Variants in TPD52L1 observed in about 807,000 individuals in gnomAD.
The protein encoded by TPD52L1 is TPD52 like 1.
Under a neutral mutation model 28.7 loss-of-function variants are expected in TPD52L1, and 18 were observed. That is an observed-to-expected ratio of 0.63 (90% CI 0.43 to 0.93). The LOEUF (loss-of-function observed/expected upper bound fraction) is 0.93. Among genes scored for constraint, TPD52L1 ranks in the 40% least tolerant of loss-of-function variants. TPD52L1 has a pLI of 0.00. For synonymous variants in TPD52L1, 75 were observed against 88.8 expected (o/e 0.84, Z 0.88); for missense variants, 203 against 254.8 (o/e 0.80, Z 1.39).
At chr6:125,260,269 A>G (rs185789797) in intron 6 of TPD52L1, 7 of 152,308 alleles carry the variant, frequency 4.6e-5, no homozygotes, top group Non-Finnish European at 7.4e-5. Context: ...AAATCACACA[A>G]TGGAAACCAT....
chr6:125,236,991 A>G (rs1796299243), intron 3 of TPD52L1, among the ~76,000 whole-genome samples: 1 of 152,178 alleles, frequency 6.6e-6, no homozygotes, highest in Non-Finnish European at 1.5e-5. Flanking sequence ...TTTTCGTGCC[A>G]TATTTGATAG....
chr6:125,169,597 C>T (rs901613593), intron 1 of TPD52L1, among the ~76,000 whole-genome samples: 1 of 152,198 alleles, frequency 6.6e-6, no homozygotes, highest in South Asian at 2.1e-4. Context: ...TCCAGTCTGT[C>T]ATGCCAGCTC....
chr6:125,183,839 T>C (rs959487208), intron 1 of TPD52L1, among the ~76,000 whole-genome samples: 7 of 152,206 alleles, frequency 4.6e-5, no homozygotes, highest in African/African-American at 7.2e-5. Flanking sequence ...AAATGGATTA[T>C]GATAGTGATT....
intron 1 of TPD52L1, among the ~76,000 whole-genome samples, chr6:125,198,394 C>T (rs553091914): frequency 3.0e-4 from 46 of 152,230 alleles, no homozygotes; most frequent in Non-Finnish European, 6.5e-4. Context: ...TCCATCTTTA[C>T]TCATTTGGGT....
At position 125,229,242 on chromosome 6, in the gene TPD52L1, G is replaced by A; in HGVS notation, c.260G>A (p.Trp87Ter). The A allele has an allele frequency of 7.4e-6, 12 of 1,613,172 alleles. No homozygotes were observed. The highest frequency in any genetic ancestry group is 1.0e-5 in the Non-Finnish European group (12 of 1,179,608). The stretch of plus-strand genomic sequence containing the variant: ...TTAAAACAGAACTTCAGCAAAAGCT[G>A]GCATGACATGCAGACTACCACTGCG... ...NELKQNFSKSWHDMQTTTAYK... is the reference protein window; with the variant it reads ...NELKQNFSKS Residue 87 changes from tryptophan to a stop codon, truncating the protein, a stop_gained, in exon 3 of 7, where the codon TGG (tryptophan) becomes TAG (stop). Transcript: ENST00000534000. LOFTEE classifies it high-confidence loss of function.
intron 1 of TPD52L1, among the ~76,000 whole-genome samples, chr6:125,156,473 AAAAAAAAGAG>A (rs1662439285): frequency 7.8e-6 from 1 of 127,940 alleles, no homozygotes; most frequent in African/African-American, 2.9e-5. Flanking sequence ...CAAAAAAAAA[AAAAAAAAGAG>A]AGAGATACAA....
intron 3 of TPD52L1, among the ~76,000 whole-genome samples, chr6:125,245,538 A>T (rs894203791): frequency 6.6e-6 from 1 of 152,046 alleles, no homozygotes; most frequent in Non-Finnish European, 1.5e-5. Flanking sequence ...GGGGGCAGGG[A>T]TAGACTCTCC....
chr6:125,180,082 A>C (rs1358988581), intron 1 of TPD52L1, among the ~76,000 whole-genome samples: 3 of 152,040 alleles, frequency 2.0e-5, no homozygotes, highest in African/African-American at 7.2e-5. Context: ...CATGACCTTA[A>C]CCTGTGGCTC....
At chr6:125,183,584 A>G (rs1393594916) in intron 1 of TPD52L1, among the ~76,000 whole-genome samples, 1 of 152,256 alleles carries the variant, frequency 6.6e-6, no homozygotes, top group Non-Finnish European at 1.5e-5. Flanking sequence ...CTTGAGTAGA[A>G]GCACATGATG....
intron 1 of TPD52L1, among the ~76,000 whole-genome samples, chr6:125,172,462 G>T (rs1290547432): frequency 9.3e-6 from 1 of 107,978 alleles, no homozygotes; most frequent in Non-Finnish European, 1.8e-5. Context: ...CTGGATTTTT[G>T]TGTGTGTGTG....
chr6:125,225,777 C>T (rs1795569048), intron 2 of TPD52L1, among the ~76,000 whole-genome samples: 1 of 152,142 alleles, frequency 6.6e-6, no homozygotes. Flanking sequence ...TTTCCATACT[C>T]CTTGTATCAG....
chr6:125,189,122 C>G (rs1238142672), intron 1 of TPD52L1, among the ~76,000 whole-genome samples: 1 of 152,182 alleles, frequency 6.6e-6, no homozygotes, highest in Non-Finnish European at 1.5e-5. Flanking sequence ...GATTTCAACT[C>G]TGCCCTAAGC....
chr6:125,203,592 C>T (rs543179322), intron 1 of TPD52L1: 2 of 984,064 alleles, frequency 2.0e-6, no homozygotes, highest in South Asian at 4.7e-5. Context: ...TGTTTGTCTG[C>T]ATGGTTTTGA....
At chr6:125,179,159 A>G (rs929671578) in intron 1 of TPD52L1, among the ~76,000 whole-genome samples, 1 of 152,242 alleles carries the variant, frequency 6.6e-6, no homozygotes, top group Non-Finnish European at 1.5e-5. Context: ...TTGTCCTGAA[A>G]TGTGGACACA....
chr6:125,156,479 AAG>A (rs56275042), intron 1 of TPD52L1, among the ~76,000 whole-genome samples: 37,922 of 131,772 alleles, frequency 0.29, 5,972 homozygotes, highest in South Asian at 0.39. Context: ...AAAAAAAAAA[AAG>A]AGAGAGATAC....
intron 1 of TPD52L1, chr6:125,219,736 C>G: frequency 3.0e-6 from 1 of 338,702 alleles, no homozygotes; most frequent in South Asian, 2.6e-5. Context: ...TCTCCATGGG[C>G]GGGCCTTGGG....
Position 125,229,180 on chromosome 6 carries a change from G to A in TPD52L1, c.198G>A (p.Glu66=). The stretch of plus-strand genomic sequence containing the variant: ...CAGCGAAAGAAAGGCATCTAGTTGA[G>A]ATAAAACAAAAACTCGGCATGAACC... ...VLSAKERHLV[E]IKQKLGMNLM... is the part of the protein sequence containing the mutation. Residue 66 remains glutamate, a synonymous_variant, in exon 3 of 7, where the codon GAG becomes GAA. Coordinates refer to ENST00000534000, the MANE Select transcript of TPD52L1 (RefSeq NM_003287.4). The A allele has an allele frequency of 6.2e-7, 1 of 1,613,566 alleles. No individual in the cohort carries two copies. The highest frequency in any genetic ancestry group is 8.5e-7 in the Non-Finnish European group (1 of 1,179,778).
At chr6:125,252,153 T>C (rs1797312094) in intron 4 of TPD52L1, 10 of 1,179,678 alleles carry the variant, frequency 8.5e-6, no homozygotes, top group Non-Finnish European at 1.2e-5. Flanking sequence ...CACTCTGTTT[T>C]CCAGACAGTT....
Position 125,257,142 on chromosome 6 carries a change from C to T in TPD52L1, c.470C>T (p.Thr157Ile), listed in dbSNP as rs1797654614. Reference protein sequence around the residue: ...FKSFEERVETTVTSLKTKVGG... With the variant: ...FKSFEERVETIVTSLKTKVGG... ...TCATTTGAGGAGAGGGTTGAGACAA[C>T]TGTCACAAGCCTCAAGGTACAGATG... Residue 157 changes from threonine to isoleucine, a missense_variant, in exon 6 of 7, where the codon ACT becomes ATT. Coordinates refer to ENST00000534000, the MANE Select transcript of TPD52L1 (RefSeq NM_003287.4). The T allele has an allele frequency of 6.2e-7, 1 of 1,611,784 alleles. No homozygotes were observed. The highest frequency in any genetic ancestry group is 1.1e-5 in the South Asian group (1 of 90,766).
Sources: allele counts gnomAD v4.1 joint callset (sites outside exome capture counted in the v4.1 genomes callset), GRCh38; gene constraint gnomAD v4.1.1; transcripts MANE v1.5; gene names NCBI Gene and HGNC (gene_info 2026-07-23, HGNC 2026-07-21).